Variants in CLIP1 observed in about 807,000 individuals in gnomAD.
The protein encoded by CLIP1 is CAP-Gly domain containing linker protein 1, also known as CAP-Gly domain-containing linker protein 1.
CLIP1 carries 66 observed loss-of-function variants against 161.6 expected under a neutral mutation model. The observed-to-expected ratio is 0.41, with a 90% confidence interval of 0.33 to 0.50. CLIP1 has a LOEUF of 0.50. Ranked by LOEUF, CLIP1 falls within the 20% of genes least tolerant of loss-of-function variation. The pLI is 0.27. For missense variants in CLIP1, 1,376 were observed against 1,702.0 expected, an observed-to-expected ratio of 0.81 and a Z score of 3.37; for synonymous variants, 598 against 626.2, an observed-to-expected ratio of 0.96 and a Z score of 0.67.
intron 3 of CLIP1, among the ~76,000 whole-genome samples, chr12:122,377,093 T>C (rs1954776104): frequency 6.7e-6 from 1 of 150,162 alleles, no homozygotes; most frequent in South Asian, 2.1e-4. Flanking sequence ...CACTGCAACC[T>C]CCACCTCCCA....
intron 20 of CLIP1, among the ~76,000 whole-genome samples, chr12:122,298,207 C>T (rs1593006640): frequency 6.6e-6 from 1 of 152,194 alleles, no homozygotes; most frequent in East Asian, 1.9e-4. Context: ...CAACCTGCAA[C>T]AGTACGCATT....
chr12:122,271,852 G>A lies in CLIP1; in HGVS notation c.*1023C>T, dbSNP rs1725532378. The stretch of plus-strand genomic sequence containing the variant: ...TCATCTAAAAACAGTAAAAAAACTT[G>A]TGAAGGGAGATTGTAGATTGGTTAT... On this transcript the variant is annotated 3_prime_UTR_variant, in exon 26 of 26. Coordinates refer to ENST00000620786, the MANE Select transcript of CLIP1 (RefSeq NM_001247997.2). The A allele has an allele frequency of 6.6e-6, 1 of 152,530 alleles. No individual in the cohort carries two copies. Among genetic ancestry groups the A allele is most frequent in the South Asian group, 2.1e-4 (1 of 4,830 alleles). 9.4% of individuals were successfully genotyped at this position (152,530 alleles called of 1,614,324 possible).
chr12:122,402,432 C>T (rs1956176634), intron 1 of CLIP1, among the ~76,000 whole-genome samples: 1 of 152,114 alleles, frequency 6.6e-6, no homozygotes, highest in African/African-American at 2.4e-5. Flanking sequence ...TTAGAAGCTG[C>T]AGAGAGCTCT....
chr12:122,292,800 G>A (rs1240562089), intron 20 of CLIP1, among the ~76,000 whole-genome samples: 1 of 151,858 alleles, frequency 6.6e-6, no homozygotes. Context: ...TCAGGAGATC[G>A]AGACCATCCT....
chr12:122,314,724 GC>G (rs971333559), intron 19 of CLIP1, among the ~76,000 whole-genome samples: 1 of 152,290 alleles, frequency 6.6e-6, no homozygotes, highest in African/African-American at 2.4e-5. Context: ...GTGCCCCAAA[GC>G]CCTTCAGGTT....
chr12:122,387,862 A>T (rs1054088686), intron 1 of CLIP1, among the ~76,000 whole-genome samples: 1 of 151,978 alleles, frequency 6.6e-6, no homozygotes, highest in Non-Finnish European at 1.5e-5. Flanking sequence ...CTGGGATTAA[A>T]GGCGTGAACC....
At chr12:122,301,142 A>G (rs1019404090) in intron 20 of CLIP1, among the ~76,000 whole-genome samples, 1 of 152,230 alleles carries the variant, frequency 6.6e-6, no homozygotes, top group African/African-American at 2.4e-5. Flanking sequence ...AAAAGAATGC[A>G]TGATCTTGGA....
At chr12:122,297,429 A>G (rs1022456147) in intron 20 of CLIP1, among the ~76,000 whole-genome samples, 2 of 152,110 alleles carry the variant, frequency 1.3e-5, no homozygotes, top group Admixed American at 1.3e-4. Context: ...CTCAATAACC[A>G]CGCACTGTGT....
chr12:122,364,225 T>C lies in CLIP1; in HGVS notation c.658-118A>G. On this transcript the variant is annotated intron_variant, in intron 3 of 25. Coordinates refer to ENST00000620786, the MANE Select transcript of CLIP1 (RefSeq NM_001247997.2). ...TCATTTCCACCAGCAACTTCTTTGC[T>C]TTAGCTTCTCTTTGACTCTAAGAGT... 2.4e-6 allele frequency: 3 copies of C among 1,242,194 alleles called. No individual in the cohort carries two copies. In the South Asian group the frequency reaches 4.2e-5, roughly 17 times the overall value. The allele number at this position is 1,242,194 out of a possible 1,614,324, so 76.9% of individuals were successfully genotyped here.
At chr12:122,331,719 G>A (rs187741892) in intron 15 of CLIP1, among the ~76,000 whole-genome samples, 8 of 152,296 alleles carry the variant, frequency 5.3e-5, no homozygotes, top group Non-Finnish European at 1.0e-4. Flanking sequence ...TTCAGGCCAG[G>A]TACGGTGACT....
chr12:122,377,594 G>A lies in CLIP1; in HGVS notation c.452C>T (p.Thr151Ile), dbSNP rs1452571586. The change falls in exon 3 of 26, where the codon ACT becomes ATT. Residue 151 changes from threonine to isoleucine, a missense_variant. This residue lies in a region of CLIP1 where 119 missense variants were observed against 112.0 expected (regional missense o/e 1.06). Coordinates refer to ENST00000620786, the MANE Select transcript of CLIP1 (RefSeq NM_001247997.2). ...PASRATSPLC[T>I]STASMVSSSP... ...GGAAGACACCATGCTGGCCGTAGAA[G>A]TGCACAGCGGTGAAGTAGCTCGGGA... is the stretch of plus-strand genomic sequence containing the variant. 1.2e-6 allele frequency: 2 copies of A among 1,613,862 alleles called. No homozygotes were observed. Among genetic ancestry groups the A allele is most frequent in the South Asian group, 1.1e-5 (1 of 91,082 alleles).
intron 1 of CLIP1, chr12:122,400,964 T>G (rs1418444619): frequency 6.9e-6 from 1 of 145,526 alleles, no homozygotes; most frequent in Non-Finnish European, 1.5e-5. Context: ...CAGGCTGGAG[T>G]GCAGTGGCGC....
chr12:122,374,502 A>G (rs1215270288), intron 3 of CLIP1, among the ~76,000 whole-genome samples: 1 of 147,448 alleles, frequency 6.8e-6, no homozygotes, highest in Non-Finnish European at 1.5e-5. Context: ...GGTGGCTCAC[A>G]CCTGTAATCC....
chr12:122,390,279 C>CATATATATATATATATACATATATATAT (rs1955578320), intron 1 of CLIP1, among the ~76,000 whole-genome samples: 1 of 78,984 alleles, frequency 1.3e-5, no homozygotes, highest in African/African-American at 3.8e-5. Context: ...TATATATATA[C>CATATATATATATATATACATATATATAT]ATATATATAT....
Position 122,316,858 on chromosome 12 carries a change from T to TA in CLIP1, c.3367-4dup, listed in dbSNP as rs1951293224. 6.6e-7 allele frequency: 1 copy of TA among 1,507,316 alleles called. No individual in the cohort carries two copies. Among genetic ancestry groups the TA allele is most frequent in the Non-Finnish European group, 8.9e-7 (1 of 1,119,822 alleles). 93.4% of individuals were successfully genotyped at this position (1,507,316 alleles called of 1,614,324 possible). On this transcript the variant is annotated splice_region_variant and splice_polypyrimidine_tract_variant and intron_variant, in intron 18 of 25. Coordinates refer to ENST00000620786, the MANE Select transcript of CLIP1 (RefSeq NM_001247997.2). ...TTGTTTTCTTTAAGTGTGTCCAACT[T>TA]AAAGACCAAGAGAAAAAAACTTGAT...
In CLIP1 at chr12:122,380,353, A is replaced by G; in HGVS notation, c.85+15T>C. 6.3e-7 allele frequency: 1 copy of G among 1,582,270 alleles called. No individual in the cohort carries two copies. Among genetic ancestry groups the G allele is most frequent in the South Asian group, 1.1e-5 (1 of 88,028 alleles). ...CTCCATATAGGATAAGGAAAGGAAA[A>G]GCGTAAAGTATTACCAGCCGTAGGT... is the stretch of plus-strand genomic sequence containing the variant. On this transcript the variant is annotated intron_variant, in intron 2 of 25. Coordinates refer to ENST00000620786, the MANE Select transcript of CLIP1 (RefSeq NM_001247997.2).
At chr12:122,386,475 G>A (rs1015423105) in intron 1 of CLIP1, among the ~76,000 whole-genome samples, 3 of 152,144 alleles carry the variant, frequency 2.0e-5, no homozygotes, top group African/African-American at 7.2e-5. Flanking sequence ...CATTGTTATG[G>A]AAAAGGTTTG....
chr12:122,373,341 T>TA (rs2136725887), intron 3 of CLIP1, among the ~76,000 whole-genome samples: 1 of 151,780 alleles, frequency 6.6e-6, no homozygotes, highest in African/African-American at 2.4e-5. Context: ...GAGAATCGCT[T>TA]GAACCCGGCA....
At chr12:122,297,409 A>G (rs1009774632) in intron 20 of CLIP1, among the ~76,000 whole-genome samples, 3 of 152,292 alleles carry the variant, frequency 2.0e-5, no homozygotes, top group African/African-American at 7.2e-5. Flanking sequence ...ACACAGGCAC[A>G]CAGTAGGCAC....
Sources: gnomAD v4.1 joint callset for allele counts (sites outside exome capture counted in the v4.1 genomes callset) on GRCh38, gnomAD v4.1.1 for gene constraint, gnomAD v4.1.1 regional missense constraint, MANE v1.5 for transcripts, NCBI Gene and HGNC (gene_info 2026-07-23, HGNC 2026-07-21) for gene names.